The following ZNF112 variants were observed in gnomAD, a reference collection of about 807,000 sequenced individuals.
ZNF112 encodes zinc finger protein 112 (Y14).
ZNF112 carries 37 observed loss-of-function variants against 77.7 expected under a neutral mutation model. That is an observed-to-expected ratio of 0.48 (90% CI 0.37 to 0.63). The LOEUF (loss-of-function observed/expected upper bound fraction) is 0.63, where lower values mean the gene tolerates loss of function less well. Ranked by LOEUF, ZNF112 falls within the 20% of genes least tolerant of loss-of-function variation. ZNF112 has a pLI of 0.00. For missense variants in ZNF112, 950 were observed against 1,077.4 expected, an observed-to-expected ratio of 0.88 and a Z score of 1.66; for synonymous variants, 333 against 363.6, an observed-to-expected ratio of 0.92 and a Z score of 0.96.
rs1462818562 is a variant in ZNF112, at chr19:44,328,130, G to A, written c.2027C>T (p.Ala676Val). 6.2e-7 allele frequency: 1 copy of A among 1,613,804 alleles called. No homozygotes were observed. Among genetic ancestry groups the A allele is most frequent in the Non-Finnish European group, 8.5e-7 (1 of 1,179,948 alleles). ...CTCTCCCGTGTGGACCCTCTGATGG[G>A]CCAAAAGTGTTGAGGCCTTACTGAA... ...KGFSKASTLL[A>V]HQRVHTGEKP... Residue 676 changes from alanine to valine, a missense_variant, in exon 4 of 4, where the codon GCC becomes GTC. Around this residue, in one of 3 missense-constraint regions of ZNF112, gnomAD observed 373 missense variants for 482.8 expected, o/e 0.77. Transcript: ENST00000354340.
chr19:44,337,190 C>T (rs1353901051), intron 2 of ZNF112, among the ~76,000 whole-genome samples: 2 of 146,200 alleles, frequency 1.4e-5, no homozygotes, highest in Admixed American at 7.0e-5. Flanking sequence ...ATTAAACCTT[C>T]CTTCTTGTGT....
Position 44,329,519 on chromosome 19 carries a change from T to G in ZNF112, c.638A>C (p.His213Pro), listed in dbSNP as rs907192857. 6.2e-7 allele frequency: 1 copy of G among 1,614,182 alleles called. No homozygotes were observed. Among genetic ancestry groups the G allele is most frequent in the African/African-American group, 1.3e-5 (1 of 75,066 alleles). Residue 213 changes from histidine (H) to proline (P), a missense_variant, in exon 4 of 4, where the codon CAC becomes CCC. Physicochemically the swap from His to Pro is moderately conservative, Grantham distance 77. This residue lies in a region of ZNF112 where 560 missense variants were observed against 557.3 expected (regional missense o/e 1.00). Coordinates refer to ENST00000354340, the MANE Select transcript of ZNF112 (RefSeq NM_013380.4). ...TCTGTGTACTTCCAGTTTATCATTG[T>G]GATGTGAGAGCCAACTGACACTGTC... Reference protein sequence around the residue: ...KCDSVSWLSHHNDKLEVHRKE... With the variant: ...KCDSVSWLSHPNDKLEVHRKE...
Position 44,329,626 on chromosome 19 carries a change from C to T in ZNF112, c.531G>A (p.Trp177Ter), listed in dbSNP as rs1327357678. The change falls in exon 4 of 4, where the codon TGG becomes TGA. Residue 177 changes from tryptophan to a stop codon, truncating the protein, a stop_gained. Transcript: ENST00000354340. LOFTEE classifies it high-confidence loss of function. ...GTGACTCTTTCAGATACATTTTCCT[C>T]CAAGAATGATGTGCCCTCCAAGATG... is the stretch of plus-strand genomic sequence containing the variant. ...GYPSWRAHHS[W>*]RKMYLKESHN... 1 of 1,614,024 alleles carries T rather than the reference C, an allele frequency of 6.2e-7. No homozygotes were observed.
upstream of ZNF112, among the ~76,000 whole-genome samples, chr19:44,359,557 C>T (rs1429104292): frequency 2.0e-5 from 3 of 151,928 alleles, no homozygotes; most frequent in South Asian, 2.1e-4. Context: ...CTCCTGACCT[C>T]GTGATCCACC....
In ZNF112 at chr19:44,327,892, A is replaced by G; in HGVS notation, c.2265T>C (p.Ser755=). Residue 755 remains serine (S), a synonymous_variant, in exon 4 of 4, where the codon AGT becomes AGC. Coordinates refer to ENST00000354340, the MANE Select transcript of ZNF112 (RefSeq NM_013380.4). ...CCCTCCGATGTGCTTCAAGGCGCGA[A>G]CTCTGACTAAAGCCCTTCCCACACA... ...CEMCGKGFSQ[S]SRLEAHRRVH... is the part of the protein sequence containing the mutation. 3 of 1,610,738 alleles carry G rather than the reference A, an allele frequency of 1.9e-6. No individual in the cohort carries two copies. Among genetic ancestry groups the G allele is most frequent in the Non-Finnish European group, 2.5e-6 (3 of 1,179,130 alleles).
At chr19:44,351,686 C>T (rs1046838766) in intron 1 of ZNF112, among the ~76,000 whole-genome samples, 1 of 151,962 alleles carries the variant, frequency 6.6e-6, no homozygotes, top group African/African-American at 2.4e-5. Flanking sequence ...TATTTACAAT[C>T]TGGGCCTAAA....
chr19:44,344,505 G>C (rs1970552063), intron 1 of ZNF112, among the ~76,000 whole-genome samples: 1 of 152,198 alleles, frequency 6.6e-6, no homozygotes, highest in Non-Finnish European at 1.5e-5. Context: ...CTCTGCTGTA[G>C]AATCCACAGG....
At chr19:44,343,534 C>T (rs2123184566) in intron 1 of ZNF112, among the ~76,000 whole-genome samples, 1 of 152,282 alleles carries the variant, frequency 6.6e-6, no homozygotes, top group South Asian at 2.1e-4. Context: ...TGCCTTACAG[C>T]TCCCAGCATG....
chr19:44,348,432 C>T (rs920838916), intron 1 of ZNF112, among the ~76,000 whole-genome samples: 4 of 152,070 alleles, frequency 2.6e-5, no homozygotes, highest in African/African-American at 9.7e-5. Context: ...TCTTCAAGTT[C>T]ACTGATTCTT....
Position 44,327,853 on chromosome 19 carries a change from CCCT to C in ZNF112, c.2301_2303del (p.Gly768del). 1 of 1,614,048 alleles carries C rather than the reference CCCT, an allele frequency of 6.2e-7. No homozygotes were observed. Among genetic ancestry groups the C allele is most frequent in the Non-Finnish European group, 8.5e-7 (1 of 1,179,926 alleles). On this transcript the variant is annotated inframe_deletion, in exon 4 of 4. Transcript: ENST00000354340. ...TACACACCTCACATTTGTATGGTTT[CCCT>C]CCTGTGTGAACCCTCCGATGTGCTT...
chr19:44,330,072 T>A, intron 3 of ZNF112, 136 bp from the exon 4 acceptor site: 1 of 653,320 alleles, frequency 1.5e-6, no homozygotes, highest in Non-Finnish European at 2.5e-6. Flanking sequence ...TAAGAATACT[T>A]AGAAAATATC....
chr19:44,336,877 CTT>C (rs113034578), intron 2 of ZNF112, among the ~76,000 whole-genome samples, 159 bp from the exon 3 acceptor site: 15 of 143,376 alleles, frequency 1.0e-4, no homozygotes, highest in Non-Finnish European at 1.2e-4. Context: ...TCATGATTTT[CTT>C]TTTTTTTTTT....
At chr19:44,354,918 G>A (rs1970759396) in intron 1 of ZNF112, among the ~76,000 whole-genome samples, 1 of 152,130 alleles carries the variant, frequency 6.6e-6, no homozygotes, top group African/African-American at 2.4e-5. Flanking sequence ...AAGCTTCAAC[G>A]AATGAAAACC....
At chr19:44,338,543 C>T (rs1479287777) in intron 2 of ZNF112, among the ~76,000 whole-genome samples, 1 of 152,190 alleles carries the variant, frequency 6.6e-6, no homozygotes, top group Non-Finnish European at 1.5e-5. Context: ...CACACTCTAC[C>T]TACATAGTGT....
intron 2 of ZNF112, among the ~76,000 whole-genome samples, chr19:44,337,840 TACACAC>T (rs71171235): frequency 0.29 from 13,793 of 47,090 alleles, 1,080 homozygotes; most frequent in African/African-American, 0.39. Flanking sequence ...TACATACACA[TACACAC>T]ACACACACAC....
In ZNF112 at chr19:44,329,467, A is replaced by G. The variant is rs1366123058; in HGVS notation, c.690T>C (p.Cys230=). 2 of 1,614,098 alleles carry G rather than the reference A, an allele frequency of 1.2e-6. No homozygotes were observed. The highest frequency in any genetic ancestry group is 1.7e-6 in the Non-Finnish European group (2 of 1,180,010). ...HRKENYSCHD[C]GEDIMKVSLL... ...ATGATACCTTCATGATATCTTCTCC[A>G]CAGTCATGGCAGCTGTAGTTTTCTT... Residue 230 remains cysteine, a synonymous_variant, in exon 4 of 4, where the codon TGT becomes TGC. Transcript: ENST00000354340.
intron 2 of ZNF112, among the ~76,000 whole-genome samples, 156 bp downstream of exon 2, chr19:44,340,259 AT>A (rs1970465286): frequency 6.6e-6 from 1 of 152,200 alleles, no homozygotes; most frequent in Admixed American, 6.5e-5. Context: ...GGACAAAACC[AT>A]CAGAAACATC....
upstream of ZNF112, among the ~76,000 whole-genome samples, chr19:44,361,558 T>TACTGTAATTCA (rs1970855375): frequency 4.6e-5 from 7 of 152,332 alleles, no homozygotes; most frequent in South Asian, 1.4e-3. Flanking sequence ...CAAAGCTACG[T>TACTGTAATTCA]ACTGTAATTC....
chr19:44,329,994 G>A, intron 3 of ZNF112, 58 bp from the exon 4 acceptor site: 1 of 1,385,000 alleles, frequency 7.2e-7, no homozygotes, highest in African/African-American at 1.4e-5. Flanking sequence ...CAAGAGATTT[G>A]AAGATTTTAC....
Sources: allele counts gnomAD v4.1 joint callset (sites outside exome capture counted in the v4.1 genomes callset), GRCh38; gene constraint gnomAD v4.1.1; regional missense constraint gnomAD v4.1.1; transcripts MANE v1.5; gene names NCBI Gene and HGNC (gene_info 2026-07-23, HGNC 2026-07-21).